Variants in PDE4DIP observed in about 807,000 individuals in gnomAD.
The protein encoded by PDE4DIP is phosphodiesterase 4D interacting protein, also known as myomegalin.
Under a neutral mutation model 221.4 loss-of-function variants are expected in PDE4DIP, and 59 were observed. The observed-to-expected ratio is 0.27, with a 90% CI of 0.22 to 0.33. PDE4DIP has a LOEUF of 0.33. Among genes scored for constraint, PDE4DIP ranks in the 10% least tolerant of loss-of-function variants. The pLI is 1.00. For synonymous variants in PDE4DIP, 404 were observed against 815.9 expected, an observed-to-expected ratio of 0.50 and a Z score of 8.60; for missense variants, 1,036 against 2,154.2, an observed-to-expected ratio of 0.48 and a Z score of 10.28.
intron 17 of PDE4DIP, among the ~76,000 whole-genome samples, chr1:148,976,809 C>T (rs2060255638): frequency 6.6e-6 from 1 of 151,554 alleles, no homozygotes; most frequent in Non-Finnish European, 1.5e-5. Context: ...GGAGGCAGCC[C>T]TGAGAAAGAT....
chr1:148,881,959 C>T (rs1431643511), intron 3 of PDE4DIP, among the ~76,000 whole-genome samples: 1 of 112,796 alleles, frequency 8.9e-6, no homozygotes, highest in African/African-American at 4.2e-5. Flanking sequence ...ATTGTCAAAA[C>T]CAATGTAGAT....
intron 34 of PDE4DIP, among the ~76,000 whole-genome samples, 182 bp downstream of exon 37, chr1:149,018,061 A>T (rs1553613738): frequency 2.0e-5 from 3 of 152,218 alleles, no homozygotes; most frequent in Admixed American, 6.5e-5. Context: ...TTAAGGCAGA[A>T]CTACGTCTGA....
At chr1:149,016,907 G>A (rs2070786991) in intron 33 of PDE4DIP, among the ~76,000 whole-genome samples, 1 of 152,284 alleles carries the variant, frequency 6.6e-6, no homozygotes, top group Non-Finnish European at 1.5e-5. Flanking sequence ...CTTGTCACAG[G>A]AAAGGGTGTA....
intron 5 of PDE4DIP, among the ~76,000 whole-genome samples, chr1:148,955,478 G>T (rs2055022372): frequency 6.6e-6 from 1 of 152,234 alleles, no homozygotes; most frequent in African/African-American, 2.4e-5. Flanking sequence ...GGATTTTAAA[G>T]ATCATCTTCA....
chr1:148,949,047 C>T (rs1324347), intron 5 of PDE4DIP, among the ~76,000 whole-genome samples: 1 of 152,342 alleles, frequency 6.6e-6, no homozygotes, highest in South Asian at 2.1e-4. Context: ...GATGTATCCA[C>T]GTTGCATGTA....
chr1:149,001,093 C>T (rs1484236924), intron 23 of PDE4DIP, among the ~76,000 whole-genome samples: 2 of 152,382 alleles, frequency 1.3e-5, no homozygotes, highest in East Asian at 1.9e-4. Context: ...ATAAAGCAAA[C>T]AATTATCTAA....
intron 1 of PDE4DIP, among the ~76,000 whole-genome samples, chr1:148,816,161 TACA>T (rs1667708290): frequency 7.2e-6 from 1 of 138,398 alleles, no homozygotes; most frequent in South Asian, 2.5e-4. Flanking sequence ...TGTATGTTTA[TACA>T]ACATTTTATT....
chr1:148,970,407 C>A (rs587772978), intron 14 of PDE4DIP, among the ~76,000 whole-genome samples: 2 of 151,970 alleles, frequency 1.3e-5, no homozygotes. Flanking sequence ...CTTTATTATA[C>A]CTCAGAAAAA....
At chr1:149,010,249 G>A (rs1213159204) in intron 30 of PDE4DIP, among the ~76,000 whole-genome samples, 194 bp from the exon 34 acceptor site, 2 of 152,054 alleles carry the variant, frequency 1.3e-5, no homozygotes, top group Non-Finnish European at 2.9e-5. Flanking sequence ...GAGCACCGCT[G>A]TCATCCCTAA....
chr1:148,982,361 C>T (rs1165455768), intron 21 of PDE4DIP: 1 of 152,136 alleles, frequency 6.6e-6, no homozygotes, highest in Non-Finnish European at 1.5e-5. Context: ...TCATTTGTGG[C>T]ACTAGATAGG....
chr1:148,952,991 A>C (rs1553493115), intron 5 of PDE4DIP: 3 of 1,613,584 alleles, frequency 1.9e-6, no homozygotes, highest in Non-Finnish European at 2.5e-6. Context: ...TATTGCCCGG[A>C]TTGAAGCGCT....
chr1:148,930,390 G>C (rs1471228536), intron 2 of PDE4DIP: 1 of 151,318 alleles, frequency 6.6e-6, no homozygotes, highest in Admixed American at 6.6e-5. Context: ...GGTGGCAGTC[G>C]CCTGTAGTCC....
chr1:149,029,646 A>G (rs1236812378), intron 41 of PDE4DIP, 141 bp from the exon 45 acceptor site: 2 of 713,440 alleles, frequency 2.8e-6, no homozygotes, highest in African/African-American at 1.8e-5. Context: ...AGCTGGAGGT[A>G]TCCGAGGCTG....
intron 21 of PDE4DIP, chr1:148,986,534 T>G (rs2061935259): frequency 1.3e-5 from 2 of 152,220 alleles, no homozygotes; most frequent in African/African-American, 4.8e-5. Context: ...CTTGTATCTT[T>G]TTTTTCCTTA....
chr1:148,994,595 T>TAC (rs67708546), intron 22 of PDE4DIP, among the ~76,000 whole-genome samples: 46 of 152,186 alleles, frequency 3.0e-4, no homozygotes, highest in East Asian at 1.9e-3. Context: ...TATATATATA[T>TAC]ACACACAAAC....
intron 1 of PDE4DIP, among the ~76,000 whole-genome samples, chr1:148,927,106 T>C (rs1285907153): frequency 5.3e-5 from 8 of 150,944 alleles, no homozygotes; most frequent in Non-Finnish European, 4.4e-5. Flanking sequence ...AAATTATTTG[T>C]TGTTTATCTG....
chr1:148,999,380 T>G (rs77179262), intron 23 of PDE4DIP, among the ~76,000 whole-genome samples: 10,852 of 152,208 alleles, frequency 0.071, 845 homozygotes, highest in East Asian at 0.46. Context: ...CCCTGAATAA[T>G]GTTAGCACTT....
At chr1:149,030,702 T>C (rs1222300064) in intron 43 of PDE4DIP, 2 of 983,426 alleles carry the variant, frequency 2.0e-6, no homozygotes, top group East Asian at 2.3e-4. Context: ...TGCAACCTAA[T>C]AAACTGATTT....
At chr1:148,985,451 T>G (rs1469235448) in intron 21 of PDE4DIP, 2 of 152,218 alleles carry the variant, frequency 1.3e-5, no homozygotes, top group Non-Finnish European at 2.9e-5. Flanking sequence ...TTAAAACATT[T>G]TATTATGATC....
Sources: gnomAD v4.1 joint callset for allele counts (sites outside exome capture counted in the v4.1 genomes callset) on GRCh38, gnomAD v4.1.1 for gene constraint, MANE v1.5 for transcripts, NCBI Gene and HGNC (gene_info 2026-07-23, HGNC 2026-07-21) for gene names.